The following TGM1 variants were observed in gnomAD, a reference collection of about 807,000 sequenced individuals.
The protein encoded by TGM1 is protein-glutamine gamma-glutamyltransferase K.
A neutral mutation model predicts 88.7 loss-of-function variants in TGM1; 63 were observed. That is an observed-to-expected ratio of 0.71 (90% CI 0.58 to 0.88). The LOEUF (loss-of-function observed/expected upper bound fraction) is 0.88. Ranked by LOEUF, TGM1 falls within the 40% of genes least tolerant of loss-of-function variation. The pLI, the probability that TGM1 is intolerant of heterozygous loss-of-function variation, is 0.00. For synonymous variants in TGM1, 415 were observed against 431.1 expected (o/e 0.96, Z 0.46); for missense variants, 996 against 1,118.0 (o/e 0.89, Z 1.56).
At chr14:24,262,881 C>T (rs555294974) in intron 1 of TGM1, among the ~76,000 whole-genome samples, 3 of 152,360 alleles carry the variant, frequency 2.0e-5, no homozygotes, top group African/African-American at 4.8e-5. Context: ...TCAGGGAAGA[C>T]CCCACTTGGG....
chr14:24,259,720 C>G lies in TGM1; in HGVS notation c.968G>C (p.Arg323Pro). 1 of 1,611,148 alleles carries G rather than the reference C, an allele frequency of 6.2e-7. No homozygotes were observed. The highest frequency in any genetic ancestry group is 8.5e-7 in the Non-Finnish European group (1 of 1,178,964). ...GGTGCTCACCATGGCAGAGATGACC[C>G]GGGAGACATTGACTGGGTCTCCACG... Reference protein sequence around the residue: ...GGRGDPVNVSRVISAMVNSLD... With the variant: ...GGRGDPVNVSPVISAMVNSLD... Residue 323 changes from arginine (R) to proline (P), a missense_variant, in exon 6 of 15, where the codon CGG becomes CCG. Physicochemically the swap from Arg to Pro is moderately radical, Grantham distance 103. Coordinates refer to ENST00000206765, the MANE Select transcript of TGM1 (RefSeq NM_000359.3). This position sits in a 1 kb window ranked among gnomAD's most constrained non-coding sequence, Gnocchi z 5.7.
Position 24,259,862 on chromosome 14 carries a change from A to G in TGM1, c.877-51T>C. 1 of 1,609,220 alleles carries G rather than the reference A, an allele frequency of 6.2e-7. No homozygotes were observed. Among genetic ancestry groups the G allele is most frequent in the East Asian group, 2.2e-5 (1 of 44,844 alleles). ...GTGACAGCCTGAACCCTAGGCCAGC[A>G]CCCTGCTCCAATACCCCAGCCCCCA... is the stretch of plus-strand genomic sequence containing the variant. On this transcript the variant is annotated intron_variant, in intron 5 of 14. Coordinates refer to ENST00000206765, the MANE Select transcript of TGM1 (RefSeq NM_000359.3). The surrounding 1 kb of genome is among the most constrained non-coding windows in gnomAD (Gnocchi z 5.7).
chr14:24,249,582 G>A, intron 14 of TGM1, 41 bp from the exon 15 acceptor site: 1 of 1,561,590 alleles, frequency 6.4e-7, no homozygotes. Context: ...AGTAATTGGG[G>A]GTGGAGTGGG....
rs372839534 is a variant in TGM1, at chr14:24,255,238, C to T, written c.1661G>A (p.Arg554Gln). ...GGCTGCTGCTGTCTCTACTGCCTTC[C>T]GCTCTGCGTCTGAGCCTGGGGGTTG... ...YKHPEGSDAERKAVETAAAHG... is the reference protein window; with the variant it reads ...YKHPEGSDAEQKAVETAAAHG... The change falls in exon 12 of 15, where the codon CGG becomes CAG. Residue 554 changes from arginine (R) to glutamine (Q), a missense_variant. Physicochemically the swap from Arg to Gln is conservative, Grantham distance 43. Transcript: ENST00000206765. This position sits in a 1 kb window ranked among gnomAD's most constrained non-coding sequence, Gnocchi z 4.0. 7.6e-5 allele frequency: 122 copies of T among 1,613,682 alleles called. No homozygotes were observed. Among genetic ancestry groups the T allele is most frequent in the Admixed American group, 1.0e-4 (6 of 60,014 alleles).
rs1179205807 is a variant in TGM1, at chr14:24,259,072, T to C, written c.1159+3A>G. The C allele has an allele frequency of 6.2e-7, 1 of 1,613,942 alleles. No individual in the cohort carries two copies. The highest frequency in any genetic ancestry group is 8.5e-7 in the Non-Finnish European group (1 of 1,179,964). Reference sequence around the variant, plus strand: ...GCCACTCCTGTCCCAGTCCCTCCACTACCTGTGGTGGTCACGCCAGCAAAG... The same window carrying C: ...GCCACTCCTGTCCCAGTCCCTCCACCACCTGTGGTGGTCACGCCAGCAAAG... On this transcript the variant is annotated splice_donor_region_variant and intron_variant, in intron 7 of 14. Coordinates refer to ENST00000206765, the MANE Select transcript of TGM1 (RefSeq NM_000359.3). This position sits in a 1 kb window ranked among gnomAD's most constrained non-coding sequence, Gnocchi z 5.7.
rs1298547881 is a variant in TGM1 at position 24,259,651 on chromosome 14, G to C, written c.984+53C>G. ...AAGGGCAGGAGGAGGGTGGGGGTGTGGCGAGGCAGCAGGCACACACACAGT... is the reference window on the plus strand; with the variant it reads ...AAGGGCAGGAGGAGGGTGGGGGTGTCGCGAGGCAGCAGGCACACACACAGT... On this transcript the variant is annotated intron_variant, in intron 6 of 14. Coordinates refer to ENST00000206765, the MANE Select transcript of TGM1 (RefSeq NM_000359.3). The surrounding 1 kb of genome is among the most constrained non-coding windows in gnomAD (Gnocchi z 5.7). 6.8e-7 allele frequency: 1 copy of C among 1,462,142 alleles called. No homozygotes were observed. Among genetic ancestry groups the C allele is most frequent in the Non-Finnish European group, 9.4e-7 (1 of 1,059,204 alleles). 90.6% of individuals were successfully genotyped at this position (1,462,142 alleles called of 1,614,324 possible).
rs759501423 is a variant in TGM1 at position 24,260,475 on chromosome 14, G to A, written c.732C>T (p.Tyr244=). ...CTGGGCACCAGGGGTTGAAGAGGAT[G>A]TAGATCTCATTGCGGGGGTCAAAGG... ...QLPFDPRNEI[Y]ILFNPWCPED... The change falls in exon 4 of 15, where the codon TAC becomes TAT. Residue 244 remains tyrosine, a synonymous_variant. Transcript: ENST00000206765. 3.1e-6 allele frequency: 5 copies of A among 1,614,248 alleles called. No homozygotes were observed. Among genetic ancestry groups the A allele is most frequent in the Middle Eastern group, 1.6e-4 (1 of 6,062 alleles).
At chr14:24,260,414 C>T (rs1357965105) in intron 4 of TGM1, 36 bp downstream of exon 4, 8 of 1,613,528 alleles carry the variant, frequency 5.0e-6, no homozygotes, top group East Asian at 2.2e-5. Context: ...GTCTTTCCCT[C>T]CCATCTACCC....
At chr14:24,260,772 G>A (rs1317487464) in intron 3 of TGM1, 74 bp from the exon 4 acceptor site, 3 of 1,599,796 alleles carry the variant, frequency 1.9e-6, no homozygotes, top group Non-Finnish European at 2.6e-6. Flanking sequence ...ACTTCTCCCG[G>A]CCCCACCCAC....
chr14:24,259,422 C>G lies in TGM1; in HGVS notation c.985-173G>C, dbSNP rs2040785911. 6.6e-6 allele frequency among the ~76,000 whole-genome samples: 1 copy of G among 152,228 alleles called. No individual in the cohort carries two copies. On this transcript the variant is annotated intron_variant, in intron 6 of 14. Coordinates refer to ENST00000206765, the MANE Select transcript of TGM1 (RefSeq NM_000359.3). The surrounding 1 kb of genome is among the most constrained non-coding windows in gnomAD (Gnocchi z 5.7). ...CAGCCCTTCCCTCAGCCATCTGCCC[C>G]CCTCCCACCCGGGCTCTGACACAGG...
chr14:24,262,027 G>A lies in TGM1; in HGVS notation c.319+7C>T, dbSNP rs772238408. 3 of 1,613,262 alleles carry A rather than the reference G, an allele frequency of 1.9e-6. No individual in the cohort carries two copies. Among genetic ancestry groups the A allele is most frequent in the Non-Finnish European group, 2.5e-6 (3 of 1,179,968 alleles). On this transcript the variant is annotated splice_region_variant and intron_variant, in intron 2 of 14. Coordinates refer to ENST00000206765, the MANE Select transcript of TGM1 (RefSeq NM_000359.3). ...GCTCTCAGCTGAGGAGGACAGACCGGCCTCACCTCGGATGGTGCCATCTCC... is the reference window on the plus strand; with the variant it reads ...GCTCTCAGCTGAGGAGGACAGACCGACCTCACCTCGGATGGTGCCATCTCC...
At position 24,258,305 on chromosome 14, in the gene TGM1, G is replaced by T. The variant is rs1312838302; in HGVS notation, c.1382C>A (p.Thr461Lys). The part of the protein sequence containing the change: ...GFDGWQVVDA[T>K]PQETSSGIFC... ...CTTACCACTGCTAGTCTCTTGGGGT[G>T]TGGCATCCACCACCTGCCACCCATC... Residue 461 changes from threonine to lysine, a missense_variant, in exon 9 of 15, where the codon ACA becomes AAA. Thr to Lys is a moderately conservative substitution (Grantham distance 78). Coordinates refer to ENST00000206765, the MANE Select transcript of TGM1 (RefSeq NM_000359.3). The T allele has an allele frequency of 6.2e-7, 1 of 1,613,894 alleles. No homozygotes were observed. The highest frequency in any genetic ancestry group is 8.5e-7 in the Non-Finnish European group (1 of 1,179,936).
At position 24,255,104 on chromosome 14, in the gene TGM1, T is replaced by C. The variant is rs1413814205; in HGVS notation, c.1795A>G (p.Met599Val). The part of the protein sequence containing the change: ...VMGQDLMVSV[M>V]LINHSSSRRT... ...CGGCTGCTGCTGTGATTGATCAGCATCACAGAGACCATCAGATCCTGCCCC... is the reference window on the plus strand; with the variant it reads ...CGGCTGCTGCTGTGATTGATCAGCACCACAGAGACCATCAGATCCTGCCCC... Residue 599 changes from methionine to valine, a missense_variant, in exon 12 of 15, where the codon ATG becomes GTG. Transcript: ENST00000206765. The surrounding 1 kb of genome is among the most constrained non-coding windows in gnomAD (Gnocchi z 4.0). 2 of 1,614,116 alleles carry C rather than the reference T, an allele frequency of 1.2e-6. No individual in the cohort carries two copies. Among genetic ancestry groups the C allele is most frequent in the Non-Finnish European group, 1.7e-6 (2 of 1,180,048 alleles).
chr14:24,258,436 G>A, intron 8 of TGM1, 48 bp from the exon 9 acceptor site: 2 of 1,612,322 alleles, frequency 1.2e-6, no homozygotes, highest in Non-Finnish European at 1.7e-6. Context: ...AGGGTCAGGA[G>A]TCCTCAGTTT....
chr14:24,260,609 C>T lies in TGM1; in HGVS notation c.598G>A (p.Ala200Thr). The T allele has an allele frequency of 6.2e-7, 1 of 1,614,214 alleles. No individual in the cohort carries two copies. The highest frequency in any genetic ancestry group is 8.5e-7 in the Non-Finnish European group (1 of 1,180,032). ...SGGWKAQVVK[A>T]SGQNLNLRVH... ...CGCAGGTTCAGATTCTGCCCACTGGCCTTGACCACCTGGGCTTTCCAGCCT... is the reference window on the plus strand; with the variant it reads ...CGCAGGTTCAGATTCTGCCCACTGGTCTTGACCACCTGGGCTTTCCAGCCT... Residue 200 changes from alanine to threonine, a missense_variant, in exon 4 of 15, where the codon GCC becomes ACC. Transcript: ENST00000206765.
rs1239510127 is a variant in TGM1, at chr14:24,259,948, A to G, written c.868T>C (p.Tyr290His). The change falls in exon 5 of 15, where the codon TAC becomes CAC. Residue 290 changes from tyrosine to histidine, a missense_variant. By Grantham distance (83) the Tyr-to-His change is moderately conservative (BLOSUM62 2). Transcript: ENST00000206765. This position sits in a 1 kb window ranked among gnomAD's most constrained non-coding sequence, Gnocchi z 5.7. ...EAQIGERTWN[Y>H]GQFDHGVLDA... ...GGCCAGCCGCACCATACCTGGCCGTAGTTCCAGGTCCGCTCACCAATCTGT... is the reference window on the plus strand; with the variant it reads ...GGCCAGCCGCACCATACCTGGCCGTGGTTCCAGGTCCGCTCACCAATCTGT... 1 of 1,614,016 alleles carries G rather than the reference A, an allele frequency of 6.2e-7. No individual in the cohort carries two copies. The highest frequency in any genetic ancestry group is 8.5e-7 in the Non-Finnish European group (1 of 1,179,992).
intron 9 of TGM1, among the ~76,000 whole-genome samples, chr14:24,257,422 C>T (rs893899572): frequency 6.6e-6 from 1 of 152,084 alleles, no homozygotes; most frequent in Admixed American, 6.5e-5. Flanking sequence ...GAAAAGAGAC[C>T]CGTTGGTTAT....
intron 14 of TGM1, among the ~76,000 whole-genome samples, chr14:24,253,162 C>T (rs185872248): frequency 1.3e-5 from 2 of 152,192 alleles, no homozygotes; most frequent in East Asian, 1.9e-4. Context: ...TTGCCCCCTA[C>T]GAGCTGTGAG....
intron 14 of TGM1, among the ~76,000 whole-genome samples, chr14:24,250,179 T>TGTGTGTGTGAGA (rs138497842): frequency 0.019 from 2,610 of 140,736 alleles, 36 homozygotes; most frequent in Admixed American, 0.026. Flanking sequence ...TGTGTGTGTG[T>TGTGTGTGTGAGA]GAGAGAGACA....
Sources: allele counts gnomAD v4.1 joint callset (sites outside exome capture counted in the v4.1 genomes callset), GRCh38; gene constraint gnomAD v4.1.1; non-coding constraint Gnocchi (gnomAD v3.1); transcripts MANE v1.5; gene names NCBI Gene and HGNC (gene_info 2026-07-23, HGNC 2026-07-21).